The following MRTFB variants were observed in gnomAD, a reference collection of about 807,000 sequenced individuals.
MRTFB encodes the protein myocardin-related transcription factor B.
A neutral mutation model predicts 104.2 loss-of-function variants in MRTFB; 29 were observed. The ratio of observed to expected loss-of-function variants is 0.28; its 90% confidence interval spans 0.21 to 0.38. The LOEUF is 0.38. MRTFB is among the 10% of genes least tolerant of loss of function. The pLI, the probability that MRTFB is intolerant of heterozygous loss-of-function variation, is 1.00. For missense variants in MRTFB, 1,270 were observed against 1,341.6 expected, an observed-to-expected ratio of 0.95 and a Z score of 0.83; for synonymous variants, 535 against 519.5, an observed-to-expected ratio of 1.03 and a Z score of -0.41.
intron 9 of MRTFB, among the ~76,000 whole-genome samples, chr16:14,236,627 G>T (rs921442612): frequency 1.3e-5 from 2 of 152,136 alleles, no homozygotes; most frequent in Admixed American, 1.3e-4. Context: ...AGAATTGAGG[G>T]TGTGAGCCAT....
intron 3 of MRTFB, chr16:14,186,800 T>C: frequency 1.3e-6 from 2 of 1,560,250 alleles, no homozygotes. Context: ...ATTGGGGTAT[T>C]GTGGGGAGCA....
In MRTFB at chr16:14,246,869, C is replaced by G. The variant is rs375581495; in HGVS notation, c.1609C>G (p.Gln537Glu). ...TEIMTMMSPS[Q>E]FLSSSPLRMT... ...GATTATGACCATGATGTCGCCTTCA[C>G]AGTTCTTGAGTTCATCTCCTTTGAG... Residue 537 changes from glutamine (Q) to glutamate (E), a missense_variant, in exon 12 of 17, where the codon CAG (glutamine) becomes GAG (glutamate). Gln to Glu is a conservative substitution (Grantham distance 29). Around this residue, in one of 3 missense-constraint regions of MRTFB, gnomAD observed 1,144 missense variants for 1,131.5 expected, o/e 1.01. Coordinates refer to ENST00000571589, the MANE Select transcript of MRTFB (RefSeq NM_001308142.2). The G allele has an allele frequency of 6.2e-6, 10 of 1,613,258 alleles. No individual in the cohort carries two copies. Among genetic ancestry groups the G allele is most frequent in the Non-Finnish European group, 8.5e-6 (10 of 1,180,042 alleles).
the MRTFB span, among the ~76,000 whole-genome samples, chr16:14,027,586 C>G: frequency 6.6e-6 from 1 of 152,172 alleles, no homozygotes; most frequent in African/African-American, 2.4e-5. Flanking sequence ...ATTATTGTAT[C>G]AGTGTCTGTT....
At chr16:14,047,526 A>C in the MRTFB span, among the ~76,000 whole-genome samples, 5 of 152,318 alleles carry the variant, frequency 3.3e-5, no homozygotes, top group East Asian at 9.6e-4. Context: ...CATACCTGAG[A>C]CTGGGTAATT....
At chr16:14,060,696 G>A in the MRTFB span, among the ~76,000 whole-genome samples, 1 of 152,084 alleles carries the variant, frequency 6.6e-6, no homozygotes, top group African/African-American at 2.4e-5. Context: ...AGAATCTTTA[G>A]AACTGCTGCC....
chr16:14,001,339 C>T, the MRTFB span, among the ~76,000 whole-genome samples: 3 of 152,112 alleles, frequency 2.0e-5, no homozygotes, highest in Admixed American at 6.5e-5. Flanking sequence ...CTGCTGTGAG[C>T]GCCCTCCTCA....
intron 9 of MRTFB, among the ~76,000 whole-genome samples, chr16:14,237,223 G>A (rs1409929457): frequency 6.6e-6 from 1 of 152,212 alleles, no homozygotes; most frequent in Non-Finnish European, 1.5e-5. Context: ...TAGGGTCTAA[G>A]TACAGGTGAA....
intron 2 of MRTFB, among the ~76,000 whole-genome samples, chr16:14,113,497 C>T (rs192843982): frequency 3.9e-5 from 6 of 152,236 alleles, no homozygotes; most frequent in African/African-American, 9.6e-5. Flanking sequence ...ATGATTTATT[C>T]GCAGTAGGTG....
At chr16:14,023,671 GTGTGTC>G in the MRTFB span, among the ~76,000 whole-genome samples, 3 of 144,276 alleles carry the variant, frequency 2.1e-5, no homozygotes, top group African/African-American at 8.2e-5. Context: ...GTGTGTGTGT[GTGTGTC>G]TATATATATA....
chr16:14,128,672 A>G (rs527322195), intron 2 of MRTFB, among the ~76,000 whole-genome samples: 9 of 152,226 alleles, frequency 5.9e-5, no homozygotes, highest in Admixed American at 2.6e-4. Flanking sequence ...ATTCTTCCTT[A>G]TAACTGCATA....
At chr16:14,210,457 T>G (rs1391515146) in intron 4 of MRTFB, 149 bp downstream of exon 4, 1 of 586,468 alleles carries the variant, frequency 1.7e-6, no homozygotes, top group African/African-American at 1.9e-5. Flanking sequence ...ATCAGGCACC[T>G]AAGTGAATCA....
At chr16:14,138,668 G>C (rs1302509951) in intron 2 of MRTFB, among the ~76,000 whole-genome samples, 1 of 152,178 alleles carries the variant, frequency 6.6e-6, no homozygotes, top group Non-Finnish European at 1.5e-5. Context: ...GTGTATAGTT[G>C]AGGGATCAGC....
chr16:14,232,791 A>G (rs2042323652), intron 8 of MRTFB, among the ~76,000 whole-genome samples: 3 of 152,224 alleles, frequency 2.0e-5, no homozygotes, highest in African/African-American at 7.2e-5. Context: ...GTATGTGCCA[A>G]GCTTCATATT....
chr16:14,069,682 G>C (rs1414033205), upstream of MRTFB, among the ~76,000 whole-genome samples: 3 of 151,862 alleles, frequency 2.0e-5, no homozygotes, highest in Non-Finnish European at 4.4e-5. Flanking sequence ...GGGTCTCACT[G>C]TGTTACCCAG....
chr16:14,079,163 C>A, intron 1 of MRTFB, 127 bp from the exon 2 acceptor site: 5 of 281,678 alleles, frequency 1.8e-5, no homozygotes, highest in Non-Finnish European at 2.6e-5. Context: ...CCTGACCATT[C>A]CATTTTAATA....
At chr16:14,047,286 T>C in the MRTFB span, among the ~76,000 whole-genome samples, 3 of 152,188 alleles carry the variant, frequency 2.0e-5, no homozygotes, top group African/African-American at 7.2e-5. Context: ...AGGATCTTCA[T>C]GTGTGTGGTC....
intron 2 of MRTFB, among the ~76,000 whole-genome samples, chr16:14,117,281 G>T (rs1265384324): frequency 6.6e-6 from 1 of 152,228 alleles, no homozygotes; most frequent in Non-Finnish European, 1.5e-5. Context: ...AGCAGTCCTT[G>T]CCCTCAAGGC....
chr16:14,238,448 G>A (rs2042619975), intron 9 of MRTFB, among the ~76,000 whole-genome samples: 1 of 152,050 alleles, frequency 6.6e-6, no homozygotes, highest in Non-Finnish European at 1.5e-5. Context: ...AATAATTGTT[G>A]TAGTTGGCAT....
At chr16:14,047,296 C>G in the MRTFB span, among the ~76,000 whole-genome samples, 1 of 152,132 alleles carries the variant, frequency 6.6e-6, no homozygotes, top group Non-Finnish European at 1.5e-5. Flanking sequence ...TGTGTGTGGT[C>G]TTTCCCTTAT....
Sources: gnomAD v4.1 joint callset for allele counts (sites outside exome capture counted in the v4.1 genomes callset) on GRCh38, gnomAD v4.1.1 for gene constraint, gnomAD v4.1.1 regional missense constraint, MANE v1.5 for transcripts, NCBI Gene and HGNC (gene_info 2026-07-23, HGNC 2026-07-21) for gene names.